Variants in ARHGAP24 observed in about 807,000 individuals in gnomAD.
ARHGAP24 encodes rho GTPase-activating protein 24.
A neutral mutation model predicts 76.4 loss-of-function variants in ARHGAP24; 50 were observed. The observed-to-expected ratio is 0.65, with a 90% CI of 0.52 to 0.83. The LOEUF is 0.83. ARHGAP24 is among the 40% of genes least tolerant of loss of function. The pLI is 0.00. For synonymous variants in ARHGAP24, 345 were observed against 323.3 expected (o/e 1.07, Z -0.72); for missense variants, 930 against 914.2 (o/e 1.02, Z -0.22).
At chr4:85,940,585 G>A (rs1476592711) in intron 4 of ARHGAP24, among the ~76,000 whole-genome samples, 1 of 152,104 alleles carries the variant, frequency 6.6e-6, no homozygotes, top group Non-Finnish European at 1.5e-5. Context: ...AATGGGGTGT[G>A]AGTGTCTGTT....
intron 2 of ARHGAP24, among the ~76,000 whole-genome samples, chr4:85,676,242 G>T (rs1055608274): frequency 1.3e-5 from 2 of 152,078 alleles, no homozygotes; most frequent in Non-Finnish European, 2.9e-5. Context: ...CACACACTGG[G>T]CTGCCAAACC....
At chr4:85,743,551 G>C (rs1414981501) in intron 3 of ARHGAP24, among the ~76,000 whole-genome samples, 2 of 151,820 alleles carry the variant, frequency 1.3e-5, no homozygotes, top group East Asian at 3.9e-4. Flanking sequence ...CTACGTGACA[G>C]GGCGAGATCC....
chr4:85,779,539 G>T (rs1237622813), intron 3 of ARHGAP24, among the ~76,000 whole-genome samples: 1 of 152,028 alleles, frequency 6.6e-6, no homozygotes, highest in African/African-American at 2.4e-5. Flanking sequence ...TCTATATTTA[G>T]CTGTTAATTT....
intron 8 of ARHGAP24, among the ~76,000 whole-genome samples, chr4:85,986,347 A>G (rs1385794916): frequency 1.3e-5 from 2 of 152,168 alleles, no homozygotes; most frequent in African/African-American, 4.8e-5. Flanking sequence ...TCCCATCATG[A>G]TGAAGGAATA....
At chr4:85,917,507 G>T (rs1163801602) in intron 3 of ARHGAP24, among the ~76,000 whole-genome samples, 1 of 151,998 alleles carries the variant, frequency 6.6e-6, no homozygotes, top group Non-Finnish European at 1.5e-5. Context: ...CACAATGGTT[G>T]AACTAGTTTA....
intron 3 of ARHGAP24, among the ~76,000 whole-genome samples, chr4:85,803,916 A>G (rs1315276919): frequency 6.6e-6 from 1 of 150,588 alleles, no homozygotes; most frequent in Non-Finnish European, 1.5e-5. Flanking sequence ...ATATTTTTTT[A>G]TAAATGGACA....
At chr4:85,827,177 G>C (rs983372614) in intron 3 of ARHGAP24, among the ~76,000 whole-genome samples, 3 of 152,104 alleles carry the variant, frequency 2.0e-5, no homozygotes, top group Admixed American at 2.0e-4. Flanking sequence ...ATTTTTATGA[G>C]AAATTTAAAT....
At chr4:85,666,705 C>T (rs1722633761) in intron 2 of ARHGAP24, among the ~76,000 whole-genome samples, 1 of 152,124 alleles carries the variant, frequency 6.6e-6, no homozygotes, top group Non-Finnish European at 1.5e-5. Flanking sequence ...GTTAGTTTTC[C>T]TTTTAACAGA....
At chr4:85,925,547 A>G (rs1011113157) in intron 4 of ARHGAP24, among the ~76,000 whole-genome samples, 2 of 152,262 alleles carry the variant, frequency 1.3e-5, no homozygotes, top group Non-Finnish European at 2.9e-5. Context: ...ACAATGAAAT[A>G]TCTTGAAAGA....
intron 3 of ARHGAP24, among the ~76,000 whole-genome samples, chr4:85,742,757 T>G (rs900815625): frequency 2.0e-5 from 3 of 152,258 alleles, no homozygotes; most frequent in African/African-American, 7.2e-5. Context: ...TTTTCAAGTT[T>G]TTTAAAATAT....
intron 3 of ARHGAP24, among the ~76,000 whole-genome samples, chr4:85,888,402 G>GAAAAAA (rs377665282): frequency 1.1e-4 from 14 of 124,214 alleles, no homozygotes; most frequent in South Asian, 2.6e-4. Flanking sequence ...TTCCTCTCAA[G>GAAAAAA]AAAAAAAAAA....
intron 3 of ARHGAP24, among the ~76,000 whole-genome samples, chr4:85,859,376 C>G (rs1481088997): frequency 6.6e-6 from 1 of 151,970 alleles, no homozygotes; most frequent in East Asian, 1.9e-4. Flanking sequence ...GATATCAGAA[C>G]CTTAAATAAA....
chr4:85,770,796 T>C (rs1034791855), intron 3 of ARHGAP24, among the ~76,000 whole-genome samples: 13 of 152,218 alleles, frequency 8.5e-5, no homozygotes, highest in Non-Finnish European at 1.8e-4. Flanking sequence ...TACCTGGGAA[T>C]GTTTGCTTTC....
At chr4:85,750,854 T>C (rs968855149) in intron 3 of ARHGAP24, among the ~76,000 whole-genome samples, 2 of 152,172 alleles carry the variant, frequency 1.3e-5, no homozygotes, top group African/African-American at 4.8e-5. Flanking sequence ...ATGTTCCTCT[T>C]CCCTGTTTCA....
intron 3 of ARHGAP24, among the ~76,000 whole-genome samples, chr4:85,808,189 C>A (rs780040181): frequency 2.6e-5 from 4 of 152,114 alleles, no homozygotes; most frequent in African/African-American, 9.7e-5. Context: ...TGAGAAAATT[C>A]TGTAGCAGGC....
intron 1 of ARHGAP24, among the ~76,000 whole-genome samples, chr4:85,502,429 G>A (rs1044598971): frequency 1.3e-5 from 2 of 152,058 alleles, no homozygotes; most frequent in African/African-American, 4.8e-5. Context: ...TACTTGAAGA[G>A]GTCCTTCACA....
chr4:85,681,110 T>G (rs1723187618), intron 2 of ARHGAP24, among the ~76,000 whole-genome samples: 1 of 152,204 alleles, frequency 6.6e-6, no homozygotes, highest in South Asian at 2.1e-4. Context: ...CAGTATAATT[T>G]TAAGACTTGA....
chr4:85,792,460 G>A (rs1728173480), intron 3 of ARHGAP24, among the ~76,000 whole-genome samples: 3 of 151,974 alleles, frequency 2.0e-5, no homozygotes, highest in Admixed American at 1.3e-4. Flanking sequence ...ATCCAGTGAA[G>A]TTTCTTGGAC....
rs112172224 is a variant in ARHGAP24, at chr4:85,797,167, T to G, written c.268+75195T>G. Among the ~76,000 whole-genome samples, 201 of 91,786 alleles carry G rather than the reference T, an allele frequency of 2.2e-3. 1 individual carries two copies. Among genetic ancestry groups the G allele is most frequent in the East Asian group, 0.014 (58 of 4,264 alleles). The allele number at this position is 91,786 out of a possible 152,430, so 60.2% of individuals were successfully genotyped here. ...AGGAAAAAAAATTTTTTTTGTTTTT[T>G]TTTTTGTTTTTGTTTTTGTTTTTTG... On this transcript the variant is annotated intron_variant, in intron 3 of 9. Coordinates refer to ENST00000395184, the MANE Select transcript of ARHGAP24 (RefSeq NM_001025616.3).
Sources: allele counts gnomAD v4.1 joint callset (sites outside exome capture counted in the v4.1 genomes callset), GRCh38; gene constraint gnomAD v4.1.1; transcripts MANE v1.5; gene names NCBI Gene and HGNC (gene_info 2026-07-23, HGNC 2026-07-21).